Variants in ATF7IP observed in about 807,000 individuals in gnomAD.
The protein encoded by ATF7IP is activating transcription factor 7-interacting protein 1.
A neutral mutation model predicts 106.4 loss-of-function variants in ATF7IP; 23 were observed. The observed-to-expected ratio is 0.22, with a 90% CI of 0.16 to 0.31. The LOEUF is 0.31. Among genes scored for constraint, ATF7IP ranks in the 10% least tolerant of loss-of-function variants. ATF7IP has a pLI of 1.00. For synonymous variants in ATF7IP, 542 were observed against 539.0 expected, an observed-to-expected ratio of 1.01 and a Z score of -0.08; for missense variants, 1,334 against 1,524.3, an observed-to-expected ratio of 0.88 and a Z score of 2.08.
chr12:14,451,465 G>A (rs1943198717), intron 6 of ATF7IP, among the ~76,000 whole-genome samples: 1 of 151,872 alleles, frequency 6.6e-6, no homozygotes, highest in Non-Finnish European at 1.5e-5. Flanking sequence ...GAGTTGTAAA[G>A]CTAGATTGTT....
chr12:14,433,911 T>G (rs1427836985), intron 2 of ATF7IP, among the ~76,000 whole-genome samples: 3 of 152,318 alleles, frequency 2.0e-5, no homozygotes, highest in African/African-American at 7.2e-5. Context: ...TAAAGTAACT[T>G]AAGGATTCAA....
intron 1 of ATF7IP, among the ~76,000 whole-genome samples, chr12:14,408,270 C>T (rs1591806532): frequency 6.6e-6 from 1 of 152,042 alleles, no homozygotes. Flanking sequence ...ATGCAAGGCA[C>T]ATATTTTTTT....
intron 7 of ATF7IP, 48 bp downstream of exon 7, chr12:14,456,682 A>G (rs202175658): frequency 1.2e-4 from 155 of 1,334,786 alleles, no homozygotes; most frequent in Non-Finnish European, 1.6e-4. Context: ...ACAAAGTTCT[A>G]CTTTCTTTAT....
chr12:14,447,139 C>A, intron 6 of ATF7IP, 86 bp downstream of exon 6: 5 of 1,119,046 alleles, frequency 4.5e-6, no homozygotes, highest in Non-Finnish European at 5.1e-6. Flanking sequence ...AACTGTATTA[C>A]AAATCTGAAA....
At chr12:14,377,767 C>T (rs1938814610) in intron 1 of ATF7IP, among the ~76,000 whole-genome samples, 1 of 151,944 alleles carries the variant, frequency 6.6e-6, no homozygotes, top group Non-Finnish European at 1.5e-5. Context: ...GCACCCACCA[C>T]CACACCAAGC....
At chr12:14,383,482 A>G (rs1180143886) in intron 1 of ATF7IP, among the ~76,000 whole-genome samples, 1 of 152,186 alleles carries the variant, frequency 6.6e-6, no homozygotes, top group Non-Finnish European at 1.5e-5. Flanking sequence ...CCAATTAAAC[A>G]TAGATTCCAG....
chr12:14,486,130 T>A (rs1944601725), intron 13 of ATF7IP, among the ~76,000 whole-genome samples: 1 of 152,162 alleles, frequency 6.6e-6, no homozygotes, highest in Non-Finnish European at 1.5e-5. Flanking sequence ...ATTATGCATT[T>A]TGGCACTGGG....
At chr12:14,487,996 A>G (rs1944682531) in intron 13 of ATF7IP, among the ~76,000 whole-genome samples, 1 of 152,132 alleles carries the variant, frequency 6.6e-6, no homozygotes, top group Non-Finnish European at 1.5e-5. Flanking sequence ...CATGCCAGGT[A>G]CTATCAGTGT....
At position 14,424,550 on chromosome 12, in the gene ATF7IP, G is replaced by A; in HGVS notation, c.635G>A (p.Gly212Asp). ...GDPTSSDPIP[G>D]EPVPVEPISG... ...CCCACCTCTAGTGATCCCATCCCAG[G>A]TGAACCGGTCCCTGTTGAACCCATT... is the stretch of plus-strand genomic sequence containing the variant. Residue 212 changes from glycine (G) to aspartate (D), a missense_variant, in exon 2 of 15, where the codon GGT becomes GAT. Coordinates refer to ENST00000261168, the MANE Select transcript of ATF7IP (RefSeq NM_018179.5). 1 of 1,614,132 alleles carries A rather than the reference G, an allele frequency of 6.2e-7. No homozygotes were observed. The highest frequency in any genetic ancestry group is 8.5e-7 in the Non-Finnish European group (1 of 1,180,012).
intron 1 of ATF7IP, among the ~76,000 whole-genome samples, chr12:14,421,747 T>C (rs948156200): frequency 6.6e-6 from 1 of 152,110 alleles, no homozygotes; most frequent in Non-Finnish European, 1.5e-5. Context: ...GTCAGTAACA[T>C]CCTGGTACCA....
At chr12:14,412,621 C>G (rs569803619) in intron 1 of ATF7IP, among the ~76,000 whole-genome samples, 1 of 151,958 alleles carries the variant, frequency 6.6e-6, no homozygotes. Flanking sequence ...CTTTGTTAAA[C>G]TCTTATTCTA....
intron 13 of ATF7IP, among the ~76,000 whole-genome samples, chr12:14,484,399 C>T (rs1351258194): frequency 6.6e-6 from 1 of 152,184 alleles, no homozygotes; most frequent in Non-Finnish European, 1.5e-5. Flanking sequence ...TGAGCACTCA[C>T]AAGGGATACA....
intron 10 of ATF7IP, 65 bp from the exon 11 acceptor site, chr12:14,475,820 ATCATC>A: frequency 7.9e-7 from 1 of 1,258,504 alleles, no homozygotes; most frequent in Non-Finnish European, 1.1e-6. Flanking sequence ...TACCTCACTT[ATCATC>A]TCATTTTTTA....
At position 14,481,128 on chromosome 12, in the gene ATF7IP, C is replaced by T; in HGVS notation, c.3223C>T (p.Pro1075Ser). 6.2e-7 allele frequency: 1 copy of T among 1,614,058 alleles called. No homozygotes were observed. The highest frequency in any genetic ancestry group is 1.1e-5 in the South Asian group (1 of 91,090). Reference protein sequence around the residue: ...TTLPAPPAQAPLRGTVMQAPA... With the variant: ...TTLPAPPAQASLRGTVMQAPA... ...TCTTCCTGCACCACCAGCTCAGGCT[C>T]CCTTGCGAGGAACTGTTATGCAGGC... The change falls in exon 13 of 15, where the codon CCC (proline) becomes TCC (serine). Residue 1075 changes from proline (P) to serine (S), a missense_variant. Around this residue, in one of 10 missense-constraint regions of ATF7IP, gnomAD observed 370 missense variants for 401.2 expected, o/e 0.92. Coordinates refer to ENST00000261168, the MANE Select transcript of ATF7IP (RefSeq NM_018179.5).
Position 14,424,882 on chromosome 12 carries a change from G to C in ATF7IP, c.967G>C (p.Asp323His). The change falls in exon 2 of 15, where the codon GAT becomes CAT. Residue 323 changes from aspartate to histidine, a missense_variant. Asp to His is a moderately conservative substitution (Grantham distance 81). Transcript: ENST00000261168. The part of the protein sequence containing the change: ...DDDFLEKNGA[D>H]EKLEQIQSKD... The stretch of plus-strand genomic sequence containing the variant: ...TGATTTTCTTGAAAAAAATGGAGCT[G>C]ATGAAAAATTAGAGCAAATTCAGAG... 2 of 1,609,858 alleles carry C rather than the reference G, an allele frequency of 1.2e-6. No homozygotes were observed. The highest frequency in any genetic ancestry group is 2.2e-5 in the South Asian group (2 of 89,986).
intron 1 of ATF7IP, among the ~76,000 whole-genome samples, chr12:14,399,394 C>T (rs1415632498): frequency 6.6e-6 from 1 of 151,414 alleles, no homozygotes; most frequent in Non-Finnish European, 1.5e-5. Flanking sequence ...CAGTTTAATT[C>T]TTTCTCTTCT....
chr12:14,483,384 C>T (rs79189921), intron 13 of ATF7IP, among the ~76,000 whole-genome samples: 3,057 of 152,108 alleles, frequency 0.02, 99 homozygotes, highest in African/African-American at 0.07. Context: ...CTTGGTAGTC[C>T]GGGACAGTCA....
rs139872863 is a variant in ATF7IP at position 14,376,352 on chromosome 12, C to T, written c.-8+10525C>T. Among the ~76,000 whole-genome samples the T allele has an allele frequency of 1.6e-3, 247 of 152,328 alleles. 2 individuals carry two copies. Among genetic ancestry groups the T allele is most frequent in the Non-Finnish European group, 2.2e-3 (148 of 68,030 alleles). ...AATCAAGCTCCAGCCTCTTAAGGCA[C>T]AGATTTGGCCATAAAGTTTGTTAAA... is the stretch of plus-strand genomic sequence containing the variant. On this transcript the variant is annotated intron_variant, in intron 1 of 14. Coordinates refer to ENST00000261168, the MANE Select transcript of ATF7IP (RefSeq NM_018179.5).
intron 1 of ATF7IP, among the ~76,000 whole-genome samples, chr12:14,407,204 AT>A (rs1940638715): frequency 6.6e-6 from 1 of 152,192 alleles, no homozygotes; most frequent in Non-Finnish European, 1.5e-5. Flanking sequence ...TTTAAAATTA[AT>A]TTGTCATTTC....
Sources: allele counts gnomAD v4.1 joint callset (sites outside exome capture counted in the v4.1 genomes callset), GRCh38; gene constraint gnomAD v4.1.1; regional missense constraint gnomAD v4.1.1; transcripts MANE v1.5; gene names NCBI Gene and HGNC (gene_info 2026-07-23, HGNC 2026-07-21).